XIRP2: variants seen among roughly 807,000 people sequenced by gnomAD.
XIRP2 encodes the protein xin actin-binding repeat-containing protein 2.
XIRP2 carries 236 observed loss-of-function variants against 277.0 expected under a neutral mutation model. That is an observed-to-expected ratio of 0.85 (90% CI 0.77 to 0.95). The LOEUF (loss-of-function observed/expected upper bound fraction) is 0.95. Among genes scored for constraint, XIRP2 ranks in the 40% least tolerant of loss-of-function variants. The pLI is 0.00. For missense variants in XIRP2, 4,640 were observed against 4,157.5 expected (o/e 1.12, Z -3.19); for synonymous variants, 1,490 against 1,416.5 (o/e 1.05, Z -1.17).
At chr2:167,027,600 A>T (rs1006160232) in intron 2 of XIRP2, among the ~76,000 whole-genome samples, 2 of 152,024 alleles carry the variant, frequency 1.3e-5, no homozygotes, top group African/African-American at 2.4e-5. Context: ...TAGAGTTTCC[A>T]GGTTTTCTGC....
At chr2:166,979,265 G>A (rs1329444776) in intron 2 of XIRP2, among the ~76,000 whole-genome samples, 1 of 151,946 alleles carries the variant, frequency 6.6e-6, no homozygotes, top group Admixed American at 6.6e-5. Context: ...CTAGGATACC[G>A]TGTGTCTGTC....
chr2:167,240,544 T>C, intron 6 of XIRP2, 120 bp from the exon 7 acceptor site: 1 of 755,096 alleles, frequency 1.3e-6, no homozygotes, highest in Non-Finnish European at 2.2e-6. Flanking sequence ...TTAATTAGCA[T>C]CTCTCAATGT....
intron 2 of XIRP2, among the ~76,000 whole-genome samples, chr2:166,980,762 A>G (rs1002732767): frequency 3.9e-5 from 6 of 152,182 alleles, no homozygotes; most frequent in African/African-American, 1.4e-4. Context: ...AGTTATTGGT[A>G]TGACTGGAAT....
intron 2 of XIRP2, among the ~76,000 whole-genome samples, chr2:167,026,640 G>T (rs1235922705): frequency 6.6e-6 from 1 of 152,028 alleles, no homozygotes; most frequent in Non-Finnish European, 1.5e-5. Flanking sequence ...GCTCTTTTAG[G>T]GCAGGCCTGG....
rs1559040819 is a variant in XIRP2 at position 167,246,380 on chromosome 2, TA to T, written c.4994del (p.Asn1665ThrfsTer9). The T allele has an allele frequency of 1.2e-6, 2 of 1,613,246 alleles. No homozygotes were observed. Among genetic ancestry groups the T allele is most frequent in the Non-Finnish European group, 1.7e-6 (2 of 1,179,684 alleles). On this transcript the variant is annotated frameshift_variant, in exon 9 of 11. Coordinates refer to ENST00000409195, the MANE Select transcript of XIRP2 (RefSeq NM_152381.6). LOFTEE classifies it high-confidence loss of function. ...EIVKGDVQQAIKNLFSEERSV... is the reference protein window; with the variant it reads ...EIVKGDVQQAXKNLFSEERSV... ...GTGAAAGGTGATGTACAACAAGCAATAAAAAACCTGTTCTCTGAGGAAAGAT... is the reference window on the plus strand; with the variant it reads ...GTGAAAGGTGATGTACAACAAGCAATAAAAACCTGTTCTCTGAGGAAAGAT...
intron 2 of XIRP2, among the ~76,000 whole-genome samples, chr2:167,034,920 T>C (rs574971398): frequency 2.0e-5 from 3 of 152,270 alleles, no homozygotes; most frequent in African/African-American, 4.8e-5. Context: ...AATTCAATCA[T>C]AGGAGCCAGT....
chr2:166,910,750 A>C (rs1034829766), intron 2 of XIRP2, among the ~76,000 whole-genome samples: 8 of 152,150 alleles, frequency 5.3e-5, no homozygotes, highest in African/African-American at 1.9e-4. Context: ...GTAGGCATTT[A>C]GTGCTGTAAA....
chr2:167,127,955 A>G (rs1394604297), intron 2 of XIRP2, among the ~76,000 whole-genome samples: 1 of 152,198 alleles, frequency 6.6e-6, no homozygotes, highest in African/African-American at 2.4e-5. Flanking sequence ...CGTGTGCTGG[A>G]TTCCCCCAGT....
Position 167,218,280 on chromosome 2 carries a change from C to A in XIRP2, c.838C>A (p.His280Asn). Residue 280 changes from histidine (H) to asparagine (N), a missense_variant, in exon 5 of 11, where the codon CAT becomes AAT. By Grantham distance (68) the His-to-Asn change is moderately conservative. Coordinates refer to ENST00000409195, the MANE Select transcript of XIRP2 (RefSeq NM_152381.6). ...RNTFAQYQYQ[H>N]QNRSEQEAIH... Reference sequence around the variant, plus strand: ...TACCTTTGCTCAATACCAATATCAACATCAGAACAGATCTGAGCAGGTAAT... The same window carrying A: ...TACCTTTGCTCAATACCAATATCAAAATCAGAACAGATCTGAGCAGGTAAT... 6.3e-7 allele frequency: 1 copy of A among 1,592,268 alleles called. No homozygotes were observed. The highest frequency in any genetic ancestry group is 8.5e-7 in the Non-Finnish European group (1 of 1,169,770).
At chr2:167,201,199 AAAG>A (rs1446871738) in intron 3 of XIRP2, among the ~76,000 whole-genome samples, 3 of 29,714 alleles carry the variant, frequency 1.0e-4, no homozygotes, top group African/African-American at 2.5e-4. Context: ...AGAAAGAAAG[AAAG>A]AAAGAAAGAA....
chr2:167,026,564 T>A (rs537730860), intron 2 of XIRP2, among the ~76,000 whole-genome samples: 3 of 152,136 alleles, frequency 2.0e-5, no homozygotes, highest in Non-Finnish European at 4.4e-5. Flanking sequence ...GGTCTTTACA[T>A]TTTGGCATGT....
chr2:167,028,491 G>C lies in XIRP2; in HGVS notation c.409-107418G>C, dbSNP rs183341903. 5.9e-3 allele frequency among the ~76,000 whole-genome samples: 904 copies of C among 152,176 alleles called. 2 individuals carry two copies. The highest frequency in any genetic ancestry group is 9.0e-3 in the Non-Finnish European group (609 of 67,992). On this transcript the variant is annotated intron_variant, in intron 2 of 10. Coordinates refer to ENST00000409195, the MANE Select transcript of XIRP2 (RefSeq NM_152381.6). ...TCTCTATGATTCTGTAAGAGTCACAGTGTTACTGGGCTTGGGTTGCCCCTT... is the reference window on the plus strand; with the variant it reads ...TCTCTATGATTCTGTAAGAGTCACACTGTTACTGGGCTTGGGTTGCCCCTT...
intron 3 of XIRP2, among the ~76,000 whole-genome samples, chr2:167,194,001 T>C (rs1693427227): frequency 6.6e-6 from 1 of 152,126 alleles, no homozygotes; most frequent in African/African-American, 2.4e-5. Context: ...AGGCTTATTC[T>C]TCCAGGGGTG....
intron 2 of XIRP2, among the ~76,000 whole-genome samples, chr2:166,908,898 G>C (rs914157682): frequency 6.6e-5 from 10 of 151,956 alleles, no homozygotes; most frequent in East Asian, 1.9e-4. Flanking sequence ...TCTTGTTTTT[G>C]TCAGGTTTGT....
At chr2:167,010,735 T>C (rs1197286361) in intron 2 of XIRP2, among the ~76,000 whole-genome samples, 2 of 152,178 alleles carry the variant, frequency 1.3e-5, no homozygotes, top group African/African-American at 4.8e-5. Flanking sequence ...TTGTATCCTC[T>C]TTTATTTCAT....
At position 167,104,621 on chromosome 2, in the gene XIRP2, T is replaced by C. The variant is rs1391832886; in HGVS notation, c.409-31288T>C. Among the ~76,000 whole-genome samples, 8 of 152,250 alleles carry C rather than the reference T, an allele frequency of 5.3e-5. No individual in the cohort carries two copies. The South Asian group carries it at 1.4e-3, about 28-fold the overall frequency. ...CAAGATTATAACTTCTTAATAGCAG[T>C]ACTTGTGAAATAAGTAAAATCTAGT... On this transcript the variant is annotated intron_variant, in intron 2 of 10. Transcript: ENST00000409195.
intron 3 of XIRP2, among the ~76,000 whole-genome samples, chr2:167,165,860 T>G (rs1037865477): frequency 2.6e-5 from 4 of 152,230 alleles, no homozygotes; most frequent in Admixed American, 6.5e-5. Context: ...CCAGCTTATT[T>G]GTTCTCTCAT....
intron 2 of XIRP2, among the ~76,000 whole-genome samples, chr2:167,122,734 A>AATT (rs1691091676): frequency 6.6e-6 from 1 of 152,236 alleles, no homozygotes; most frequent in Non-Finnish European, 1.5e-5. Flanking sequence ...TCTGTTATCA[A>AATT]ATTCATAACA....
At chr2:167,109,266 C>A (rs1042158951) in intron 2 of XIRP2, among the ~76,000 whole-genome samples, 6 of 151,978 alleles carry the variant, frequency 3.9e-5, no homozygotes, top group Admixed American at 2.6e-4. Context: ...ATTTGCACCA[C>A]ATTTTCTTCT....
Sources: gnomAD v4.1 joint callset for allele counts (sites outside exome capture counted in the v4.1 genomes callset) on GRCh38, gnomAD v4.1.1 for gene constraint, MANE v1.5 for transcripts, NCBI Gene and HGNC (gene_info 2026-07-23, HGNC 2026-07-21) for gene names.